CNTNAP2: variants seen among roughly 807,000 people sequenced by gnomAD.
The protein encoded by CNTNAP2 is contactin-associated protein-like 2.
CNTNAP2 carries 98 observed loss-of-function variants against 155.2 expected under a neutral mutation model. That is an observed-to-expected ratio of 0.63 (90% CI 0.54 to 0.75). The LOEUF (loss-of-function observed/expected upper bound fraction) is 0.75. Among genes scored for constraint, CNTNAP2 ranks in the 30% least tolerant of loss-of-function variants. The pLI, the probability that CNTNAP2 is intolerant of heterozygous loss-of-function variation, is 0.00. For missense variants in CNTNAP2, 1,727 were observed against 1,688.1 expected, an observed-to-expected ratio of 1.02 and a Z score of -0.40; for synonymous variants, 651 against 631.2, an observed-to-expected ratio of 1.03 and a Z score of -0.47.
chr7:148,405,705 T>C lies in CNTNAP2; in HGVS notation c.3716-3686T>C, dbSNP rs562431752. ...ATCTCAGCTCACTGCAACCTCTGCC[T>C]CCCAGGTTCAAGTGATTCTCCTGCC... On this transcript the variant is annotated intron_variant, in intron 22 of 23. Transcript: ENST00000361727. Among the ~76,000 whole-genome samples the C allele has an allele frequency of 1.1e-3, 150 of 133,816 alleles. 1 individual carries two copies. Among genetic ancestry groups the C allele is most frequent in the African/African-American group, 4.1e-3 (144 of 35,530 alleles). 87.8% of individuals were successfully genotyped at this position (133,816 alleles called of 152,430 possible).
intron 21 of CNTNAP2, among the ~76,000 whole-genome samples, chr7:148,327,465 T>A (rs1281174237): frequency 6.6e-6 from 1 of 152,236 alleles, no homozygotes; most frequent in East Asian, 1.9e-4. Flanking sequence ...ACTTAGAGAA[T>A]GCAACTATCA....
At chr7:146,120,836 C>G (rs1326787789) in intron 1 of CNTNAP2, among the ~76,000 whole-genome samples, 2 of 152,100 alleles carry the variant, frequency 1.3e-5, no homozygotes, top group African/African-American at 4.8e-5. Flanking sequence ...AGCAACAACC[C>G]ATACCAAATA....
chr7:147,834,294 G>T (rs1337336705), intron 13 of CNTNAP2, among the ~76,000 whole-genome samples: 3 of 152,246 alleles, frequency 2.0e-5, no homozygotes, highest in Non-Finnish European at 2.9e-5. Context: ...TCCATTTAAA[G>T]CTAGGTGGAA....
chr7:146,977,851 A>G (rs1229683199), intron 3 of CNTNAP2, among the ~76,000 whole-genome samples: 2 of 152,296 alleles, frequency 1.3e-5, no homozygotes, highest in East Asian at 3.9e-4. Flanking sequence ...GTCAAATTAC[A>G]TGGGTTGATA....
At chr7:146,814,756 G>C (rs1585103260) in intron 2 of CNTNAP2, among the ~76,000 whole-genome samples, 1 of 151,710 alleles carries the variant, frequency 6.6e-6, no homozygotes, top group Non-Finnish European at 1.5e-5. Context: ...ATACCCCAAA[G>C]TCACCCCAAA....
intron 12 of CNTNAP2, among the ~76,000 whole-genome samples, chr7:147,568,227 A>G (rs1800214701): frequency 6.6e-6 from 1 of 152,026 alleles, no homozygotes; most frequent in Non-Finnish European, 1.5e-5. Context: ...ACCATGAGAC[A>G]TGAAAAAAAT....
chr7:146,845,489 C>T (rs998259615), intron 3 of CNTNAP2, among the ~76,000 whole-genome samples: 2 of 152,124 alleles, frequency 1.3e-5, no homozygotes, highest in Non-Finnish European at 2.9e-5. Flanking sequence ...ATTTTTCAAG[C>T]TATTAAGATT....
At chr7:146,178,103 G>A (rs1047692962) in intron 1 of CNTNAP2, among the ~76,000 whole-genome samples, 8 of 152,064 alleles carry the variant, frequency 5.3e-5, no homozygotes, top group South Asian at 2.1e-4. Context: ...ACGTGATCTC[G>A]GCTCACTGCA....
At chr7:146,313,557 G>A (rs1378956618) in intron 1 of CNTNAP2, among the ~76,000 whole-genome samples, 5 of 152,044 alleles carry the variant, frequency 3.3e-5, no homozygotes, top group East Asian at 1.9e-4. Flanking sequence ...AGGCAATTCC[G>A]TTTGTCTATT....
intron 1 of CNTNAP2, among the ~76,000 whole-genome samples, chr7:146,376,437 A>C (rs1795305106): frequency 6.6e-6 from 1 of 152,168 alleles, no homozygotes. Flanking sequence ...AAGCAAACAC[A>C]TAAATAAAAA....
At chr7:148,106,020 C>T (rs1804209774) in intron 15 of CNTNAP2, among the ~76,000 whole-genome samples, 1 of 152,144 alleles carries the variant, frequency 6.6e-6, no homozygotes, top group African/African-American at 2.4e-5. Context: ...GCCAAGGCAG[C>T]AGAAGGAATG....
intron 3 of CNTNAP2, among the ~76,000 whole-genome samples, chr7:146,953,517 G>A (rs1269000322): frequency 6.6e-6 from 1 of 151,784 alleles, no homozygotes; most frequent in Non-Finnish European, 1.5e-5. Context: ...TGGAAACTAG[G>A]GAAAATAACT....
intron 1 of CNTNAP2, among the ~76,000 whole-genome samples, chr7:146,414,638 T>TTTTTCCA (rs1271330071): frequency 7.0e-4 from 106 of 152,114 alleles, no homozygotes; most frequent in African/African-American, 2.5e-3. Context: ...CTATAAGGGG[T>TTTTTCCA]GACTGAAGGG....
intron 18 of CNTNAP2, among the ~76,000 whole-genome samples, chr7:148,185,733 T>G (rs1204375635): frequency 6.6e-6 from 1 of 152,254 alleles, no homozygotes. Flanking sequence ...AATAGGTCTA[T>G]TTTAGCCTGT....
chr7:146,551,659 C>T (rs1354683365), intron 1 of CNTNAP2, among the ~76,000 whole-genome samples: 3 of 151,946 alleles, frequency 2.0e-5, no homozygotes, highest in African/African-American at 7.3e-5. Flanking sequence ...GAAAGAAACC[C>T]ATGCCTTATC....
chr7:148,342,726 C>T (rs1268318033), intron 21 of CNTNAP2, among the ~76,000 whole-genome samples: 1 of 152,174 alleles, frequency 6.6e-6, no homozygotes, highest in African/African-American at 2.4e-5. Context: ...AAAAGATCTG[C>T]TAAATGAACA....
rs578093982 is a variant in CNTNAP2 at position 147,426,753 on chromosome 7, C to G, written c.1670+30973C>G. Among the ~76,000 whole-genome samples the G allele has an allele frequency of 2.0e-5, 3 of 152,186 alleles. No homozygotes were observed. In the South Asian group the frequency reaches 6.2e-4, roughly 32 times the overall value. On this transcript the variant is annotated intron_variant, in intron 10 of 23. Coordinates refer to ENST00000361727, the MANE Select transcript of CNTNAP2 (RefSeq NM_014141.6). ...TCTGGGAATGAATCTGCTTTGTTTA[C>G]CACTATGTCTTCAGTGTCTCACCTG...
chr7:146,935,615 T>C (rs1796898274), intron 3 of CNTNAP2, among the ~76,000 whole-genome samples: 1 of 152,258 alleles, frequency 6.6e-6, no homozygotes, highest in East Asian at 1.9e-4. Flanking sequence ...AAACTCTACT[T>C]TAAAGGCTAT....
chr7:148,103,162 T>G (rs1227277450), intron 15 of CNTNAP2, among the ~76,000 whole-genome samples: 1 of 151,702 alleles, frequency 6.6e-6, no homozygotes, highest in East Asian at 1.9e-4. Flanking sequence ...GAGTTGTGTC[T>G]GTCCTTTGTC....
Sources: allele counts gnomAD v4.1 joint callset (sites outside exome capture counted in the v4.1 genomes callset), GRCh38; gene constraint gnomAD v4.1.1; transcripts MANE v1.5; gene names NCBI Gene and HGNC (gene_info 2026-07-23, HGNC 2026-07-21).